Variants in PTPRD observed in about 807,000 individuals in gnomAD.
PTPRD encodes the protein protein tyrosine phosphatase receptor type D.
PTPRD carries 34 observed loss-of-function variants against 214.5 expected under a neutral mutation model. The observed-to-expected ratio is 0.16, with a 90% CI of 0.12 to 0.21. PTPRD has a LOEUF of 0.21. Ranked by LOEUF, PTPRD falls within the 10% of genes least tolerant of loss-of-function variation. The probability of loss-of-function intolerance (pLI) is 1.00; values close to 1 mark genes in which losing one functional copy is unlikely to be tolerated. For synonymous variants in PTPRD, 1,128 were observed against 845.7 expected, an observed-to-expected ratio of 1.33 and a Z score of -5.79; for missense variants, 2,545 against 2,398.7, an observed-to-expected ratio of 1.06 and a Z score of -1.27.
intron 30 of PTPRD, among the ~76,000 whole-genome samples, chr9:8,480,869 C>T (rs542043271): frequency 1.4e-4 from 22 of 152,010 alleles, no homozygotes; most frequent in Non-Finnish European, 3.1e-4. Flanking sequence ...GGCCGGGCGC[C>T]GTGGCTCACG....
At chr9:9,269,327 G>T (rs923019751) in intron 9 of PTPRD, among the ~76,000 whole-genome samples, 2 of 151,216 alleles carry the variant, frequency 1.3e-5, no homozygotes, top group African/African-American at 4.8e-5. Context: ...CACCCGTTAG[G>T]ATGGCCATTA....
intron 9 of PTPRD, among the ~76,000 whole-genome samples, chr9:9,210,003 T>C (rs965335206): frequency 1.2e-4 from 19 of 152,158 alleles, no homozygotes; most frequent in African/African-American, 4.3e-4. Context: ...ACGCAGTAGA[T>C]TTGTGTCCTA....
chr9:10,328,994 T>A (rs2096700297), intron 3 of PTPRD, among the ~76,000 whole-genome samples: 1 of 151,718 alleles, frequency 6.6e-6, no homozygotes, highest in South Asian at 2.1e-4. Context: ...AGTGTCAGAA[T>A]CTTGCTTTTT....
chr9:9,376,935 C>T (rs2060953113), intron 9 of PTPRD, among the ~76,000 whole-genome samples: 1 of 151,826 alleles, frequency 6.6e-6, no homozygotes, highest in Non-Finnish European at 1.5e-5. Context: ...GCTAGGAGAC[C>T]AAATCTCAGA....
At chr9:10,295,120 A>G (rs1006164585) in intron 3 of PTPRD, among the ~76,000 whole-genome samples, 2 of 152,072 alleles carry the variant, frequency 1.3e-5, no homozygotes, top group Admixed American at 6.6e-5. Context: ...AGGATATTGT[A>G]TACATGGATT....
chr9:9,123,008 TTTGTTG>T (rs796995198), intron 10 of PTPRD, among the ~76,000 whole-genome samples: 1 of 152,098 alleles, frequency 6.6e-6, no homozygotes, highest in Non-Finnish European at 1.5e-5. Flanking sequence ...ATTCACTGTT[TTTGTTG>T]TTGTTGTTGT....
At chr9:10,070,243 C>A (rs182291595) in intron 3 of PTPRD, among the ~76,000 whole-genome samples, 25 of 152,114 alleles carry the variant, frequency 1.6e-4, no homozygotes, top group African/African-American at 4.3e-4. Context: ...CCATTTTTGA[C>A]CCTGCAGCTT....
At chr9:9,633,693 T>C (rs2095664277) in intron 7 of PTPRD, among the ~76,000 whole-genome samples, 3 of 152,168 alleles carry the variant, frequency 2.0e-5, no homozygotes, top group Non-Finnish European at 4.4e-5. Context: ...GGTTATCCCA[T>C]ATATTTATAG....
chr9:8,778,767 A>G lies in PTPRD; in HGVS notation c.-103-44821T>C, dbSNP rs1345731787. Among the ~76,000 whole-genome samples the G allele has an allele frequency of 3.3e-5, 5 of 152,226 alleles. No individual in the cohort carries two copies. In the East Asian group the frequency reaches 9.6e-4, roughly 29 times the overall value. ...ACTTGTCCACTCTGAGACCGTGGCTACAATATTCATCCACTCTGAGCTTCA... is the reference window on the plus strand; with the variant it reads ...ACTTGTCCACTCTGAGACCGTGGCTGCAATATTCATCCACTCTGAGCTTCA... On this transcript the variant is annotated intron_variant, in intron 11 of 45. Transcript: ENST00000381196.
At chr9:8,751,919 C>A (rs1239601700) in intron 11 of PTPRD, among the ~76,000 whole-genome samples, 1 of 152,166 alleles carries the variant, frequency 6.6e-6, no homozygotes, top group Non-Finnish European at 1.5e-5. Context: ...AAAGTCTATT[C>A]CCTTCCTGGA....
At chr9:9,555,649 C>G (rs185366228) in intron 8 of PTPRD, among the ~76,000 whole-genome samples, 117 of 152,156 alleles carry the variant, frequency 7.7e-4, no homozygotes, top group Middle Eastern at 3.4e-3. Flanking sequence ...TGTTGTAAAT[C>G]TAGTACAAGA....
intron 3 of PTPRD, among the ~76,000 whole-genome samples, chr9:10,221,863 G>C (rs965186055): frequency 6.6e-6 from 1 of 151,670 alleles, no homozygotes; most frequent in South Asian, 2.1e-4. Flanking sequence ...TTGAGTAGTA[G>C]ACCATAAATG....
intron 11 of PTPRD, among the ~76,000 whole-genome samples, chr9:8,772,294 T>A (rs1425378747): frequency 1.3e-5 from 2 of 152,162 alleles, no homozygotes; most frequent in Non-Finnish European, 2.9e-5. Context: ...AATTTTCACC[T>A]CAGACAGTGT....
chr9:8,919,347 A>G (rs1238158052), intron 11 of PTPRD, among the ~76,000 whole-genome samples: 1 of 149,504 alleles, frequency 6.7e-6, no homozygotes, highest in Non-Finnish European at 1.5e-5. Flanking sequence ...AGCCGAGGCT[A>G]TGCCACTGGA....
chr9:9,717,820 G>A (rs981667310), intron 7 of PTPRD, among the ~76,000 whole-genome samples: 5 of 152,068 alleles, frequency 3.3e-5, no homozygotes, highest in Non-Finnish European at 5.9e-5. Flanking sequence ...AATAATATGG[G>A]AACATACAAA....
intron 8 of PTPRD, among the ~76,000 whole-genome samples, chr9:9,412,514 T>C (rs1167284752): frequency 1.3e-5 from 2 of 152,092 alleles, no homozygotes; most frequent in East Asian, 2.0e-4. Context: ...TCTTTAGTAA[T>C]CTCCCTTTCA....
At chr9:8,843,072 C>T in intron 11 of PTPRD, among the ~76,000 whole-genome samples, 1 of 152,124 alleles carries the variant, frequency 6.6e-6, no homozygotes, top group East Asian at 1.9e-4. Flanking sequence ...AACTATATTG[C>T]CACTCCTTAA....
At chr9:10,237,685 G>T (rs1239782441) in intron 3 of PTPRD, among the ~76,000 whole-genome samples, 1 of 151,802 alleles carries the variant, frequency 6.6e-6, no homozygotes, top group Non-Finnish European at 1.5e-5. Flanking sequence ...ATCTGTTTCA[G>T]CATCTCATTT....
chr9:10,534,058 T>G (rs958948400), intron 2 of PTPRD, among the ~76,000 whole-genome samples: 6 of 151,876 alleles, frequency 4.0e-5, no homozygotes, highest in South Asian at 4.1e-4. Context: ...GAAACCAATT[T>G]CACTGAAAGT....
Sources: gnomAD v4.1 joint callset for allele counts (sites outside exome capture counted in the v4.1 genomes callset) on GRCh38, gnomAD v4.1.1 for gene constraint, MANE v1.5 for transcripts, NCBI Gene and HGNC (gene_info 2026-07-23, HGNC 2026-07-21) for gene names.